The following SDHB variants were observed in gnomAD, a reference collection of about 807,000 sequenced individuals.
SDHB encodes succinate dehydrogenase complex iron sulfur subunit B, also known as succinate dehydrogenase [ubiquinone] iron-sulfur subunit, mitochondrial.
Under a neutral mutation model 39.7 loss-of-function variants are expected in SDHB, and 21 were observed. The ratio of observed to expected loss-of-function variants is 0.53; its 90% CI spans 0.37 to 0.76. The LOEUF (loss-of-function observed/expected upper bound fraction) is 0.76, where lower values mean the gene tolerates loss of function less well. SDHB is among the 30% of genes least tolerant of loss of function. The pLI is 0.00. For missense variants in SDHB, 343 were observed against 350.9 expected (o/e 0.98, Z 0.18); for synonymous variants, 118 against 117.0 (o/e 1.01, Z -0.06).
At chr1:17,026,231 G>A (rs990620610) in intron 5 of SDHB, among the ~76,000 whole-genome samples, 1 of 152,212 alleles carries the variant, frequency 6.6e-6, no homozygotes, top group African/African-American at 2.4e-5. Context: ...AGAAACTGAG[G>A]AGCAGAGCTG....
chr1:17,028,086 T>C (rs978002596), intron 4 of SDHB, among the ~76,000 whole-genome samples: 1 of 152,194 alleles, frequency 6.6e-6, no homozygotes, highest in Non-Finnish European at 1.5e-5. Flanking sequence ...CTCACCTACT[T>C]GGGAAACCTG....
At chr1:17,025,070 G>C (rs2077984391) in intron 5 of SDHB, among the ~76,000 whole-genome samples, 1 of 152,174 alleles carries the variant, frequency 6.6e-6, no homozygotes, top group Non-Finnish European at 1.5e-5. Flanking sequence ...TAAGAAATTA[G>C]AATGTTTTGG....
At chr1:17,032,200 TTTTC>T (rs1271277696) in intron 3 of SDHB, among the ~76,000 whole-genome samples, 8 of 151,978 alleles carry the variant, frequency 5.3e-5, no homozygotes, top group Non-Finnish European at 1.2e-4. Context: ...GTAATTATAT[TTTTC>T]TTTTTTTTTT....
intron 1 of SDHB, 77 bp from the exon 2 acceptor site, chr1:17,044,965 A>C (rs2078101612): frequency 1.5e-6 from 2 of 1,290,914 alleles, no homozygotes; most frequent in Non-Finnish European, 2.2e-6. Context: ...GGCACAACAG[A>C]TGTAACGCTG....
intron 5 of SDHB, 73 bp from the exon 6 acceptor site, chr1:17,024,147 T>G (rs2077979423): frequency 9.1e-7 from 1 of 1,095,480 alleles, no homozygotes; most frequent in African/African-American, 1.5e-5. Context: ...TGATTAAATG[T>G]TACCTTTGGG....
intron 5 of SDHB, 125 bp downstream of exon 5, chr1:17,027,624 G>A: frequency 1.3e-6 from 1 of 757,156 alleles, no homozygotes; most frequent in Non-Finnish European, 2.4e-6. Flanking sequence ...CCACCCTTGT[G>A]CCAGTTCCTC....
At chr1:17,042,621 T>C (rs1268767876) in intron 2 of SDHB, among the ~76,000 whole-genome samples, 1 of 151,972 alleles carries the variant, frequency 6.6e-6, no homozygotes, top group Non-Finnish European at 1.5e-5. Context: ...CTACAAAAAA[T>C]ACAAAACTTA....
At chr1:17,041,134 A>G (rs550391595) in intron 2 of SDHB, among the ~76,000 whole-genome samples, 1 of 152,220 alleles carries the variant, frequency 6.6e-6, no homozygotes, top group South Asian at 2.1e-4. Flanking sequence ...CGTCTCAAGA[A>G]ACAAACAAAC....
intron 1 of SDHB, among the ~76,000 whole-genome samples, chr1:17,047,465 T>C (rs888452318): frequency 2.0e-5 from 3 of 151,866 alleles, no homozygotes; most frequent in Non-Finnish European, 4.4e-5. Context: ...TCACCTGAGA[T>C]CAGGGATTCA....
At chr1:17,036,704 GAATA>G (rs1341832164) in intron 2 of SDHB, among the ~76,000 whole-genome samples, 1 of 131,044 alleles carries the variant, frequency 7.6e-6, no homozygotes, top group East Asian at 2.1e-4. Flanking sequence ...ATATAAATAT[GAATA>G]TATAAATATA....
chr1:17,044,837 A>G lies in SDHB; in HGVS notation c.124T>C (p.Phe42Leu), dbSNP rs767667150. The G allele has an allele frequency of 6.2e-7, 1 of 1,613,916 alleles. No individual in the cohort carries two copies. The highest frequency in any genetic ancestry group is 8.5e-7 in the Non-Finnish European group (1 of 1,179,914). The change falls in exon 2 of 8, where the codon TTT becomes CTT. Residue 42 changes from phenylalanine (F) to leucine (L), a missense_variant. Physicochemically the swap from Phe to Leu is conservative, Grantham distance 22 (BLOSUM62 0). Coordinates refer to ENST00000375499, the MANE Select transcript of SDHB (RefSeq NM_003000.3). ...AAATAPRIKK[F>L]AIYRWDPDKA... ...TCTGGGTCCCATCGATAGATGGCAA[A>G]TTTCTTGATACGGGGAGCTGTGGCT...
intron 7 of SDHB, among the ~76,000 whole-genome samples, chr1:17,022,064 G>A (rs1256178713): frequency 6.6e-6 from 1 of 152,168 alleles, no homozygotes; most frequent in Non-Finnish European, 1.5e-5. Context: ...GGAGGCAGGC[G>A]GGTGGCTGAA....
At chr1:17,046,908 G>C (rs2078113228) in intron 1 of SDHB, among the ~76,000 whole-genome samples, 1 of 152,046 alleles carries the variant, frequency 6.6e-6, no homozygotes, top group East Asian at 1.9e-4. Flanking sequence ...GTAGAGATGT[G>C]GTTTGTCTAT....
At chr1:17,031,764 G>C (rs1403437330) in intron 3 of SDHB, among the ~76,000 whole-genome samples, 1 of 152,032 alleles carries the variant, frequency 6.6e-6, no homozygotes, top group Non-Finnish European at 1.5e-5. Flanking sequence ...AAAAAGCTCA[G>C]TGTCCTCACA....
intron 3 of SDHB, among the ~76,000 whole-genome samples, chr1:17,029,853 C>T (rs188113223): frequency 5.3e-4 from 81 of 152,322 alleles, no homozygotes; most frequent in African/African-American, 1.9e-3. Context: ...CCCACCACAG[C>T]CTCCTGAGTA....
chr1:17,023,888 G>A, intron 6 of SDHB, 85 bp downstream of exon 6: 1 of 1,003,532 alleles, frequency 1.0e-6, no homozygotes, highest in Non-Finnish European at 1.6e-6. Flanking sequence ...CCTCAGAATG[G>A]CTGGCTTACA....
chr1:17,022,637 T>C lies in SDHB; in HGVS notation c.736A>G (p.Ile246Val), dbSNP rs146800605. The C allele has an allele frequency of 1.6e-5, 26 of 1,613,858 alleles. No homozygotes were observed. Among genetic ancestry groups the C allele is most frequent in the Non-Finnish European group, 2.2e-5 (26 of 1,179,920 alleles). The change falls in exon 7 of 8, where the codon ATC becomes GTC. Residue 246 changes from isoleucine to valine, a missense_variant. Ile to Val is a conservative substitution (Grantham distance 29, BLOSUM62 3). Coordinates refer to ENST00000375499, the MANE Select transcript of SDHB (RefSeq NM_003000.3). ...GGACAGGTCCTTGTGCAGTTCATGA[T>C]GGTGTGGCAGCGGTATAGAGAGAAT... Reference protein sequence around the residue: ...DPFSLYRCHTIMNCTRTCPKG... With the variant: ...DPFSLYRCHTVMNCTRTCPKG...
At chr1:17,026,568 T>C (rs2077992930) in intron 5 of SDHB, among the ~76,000 whole-genome samples, 2 of 152,038 alleles carry the variant, frequency 1.3e-5, no homozygotes, top group Admixed American at 1.3e-4. Context: ...TTTTATCACG[T>C]TGGCCAGGCT....
chr1:17,040,630 A>C (rs2078074481), intron 2 of SDHB, among the ~76,000 whole-genome samples: 1 of 152,002 alleles, frequency 6.6e-6, no homozygotes, highest in Non-Finnish European at 1.5e-5. Flanking sequence ...AATTTTTCAA[A>C]GAAAAAATTT....
Sources: gnomAD v4.1 joint callset for allele counts (sites outside exome capture counted in the v4.1 genomes callset) on GRCh38, gnomAD v4.1.1 for gene constraint, MANE v1.5 for transcripts, NCBI Gene and HGNC (gene_info 2026-07-23, HGNC 2026-07-21) for gene names.